Variants in FAM135B observed in about 807,000 individuals in gnomAD.
The protein encoded by FAM135B is family with sequence similarity 135 member B.
In FAM135B, 43 loss-of-function variants were observed where a neutral mutation model predicts 127.7. The ratio of observed to expected loss-of-function variants is 0.34; its 90% confidence interval spans 0.26 to 0.43. The LOEUF is 0.43. FAM135B is among the 20% of genes least tolerant of loss of function. FAM135B has a pLI of 1.00. For missense variants in FAM135B, 1,558 were observed against 1,725.6 expected (o/e 0.90, Z 1.72); for synonymous variants, 670 against 665.1 (o/e 1.01, Z -0.11).
intron 1 of FAM135B, among the ~76,000 whole-genome samples, chr8:138,409,425 A>G (rs1402771038): frequency 1.3e-5 from 2 of 152,202 alleles, no homozygotes; most frequent in Non-Finnish European, 2.9e-5. Flanking sequence ...AATAATGAAA[A>G]GGTATGAAAA....
At position 138,294,209 on chromosome 8, in the gene FAM135B, C is replaced by T. The variant is rs1181884393; in HGVS notation, c.157+16632G>A. On this transcript the variant is annotated intron_variant, in intron 3 of 19. Transcript: ENST00000395297. Reference sequence around the variant, plus strand: ...TAGACTGTGGGTATGGAAAGGTATGCAGTGTGGTATAATGGACTTTGGAGA... The same window carrying T: ...TAGACTGTGGGTATGGAAAGGTATGTAGTGTGGTATAATGGACTTTGGAGA... Among the ~76,000 whole-genome samples the T allele has an allele frequency of 3.3e-5, 5 of 151,950 alleles. No individual in the cohort carries two copies. In the South Asian group the frequency reaches 1.0e-3, roughly 31 times the overall value.
intron 1 of FAM135B, among the ~76,000 whole-genome samples, chr8:138,394,267 T>A (rs1446353019): frequency 1.3e-5 from 2 of 152,140 alleles, no homozygotes; most frequent in Non-Finnish European, 2.9e-5. Flanking sequence ...GGCCACCAGC[T>A]CCTGAGCTGA....
chr8:138,474,972 C>T (rs918957559), intron 1 of FAM135B, among the ~76,000 whole-genome samples: 2 of 152,214 alleles, frequency 1.3e-5, no homozygotes, highest in Admixed American at 1.3e-4. Context: ...GGATGCTTTT[C>T]CAGACCTGTC....
chr8:138,452,499 T>G (rs887137252), intron 1 of FAM135B, among the ~76,000 whole-genome samples: 1 of 152,098 alleles, frequency 6.6e-6, no homozygotes, highest in African/African-American at 2.4e-5. Context: ...AAAATAAAAG[T>G]GTCCACACCA....
At chr8:138,346,524 G>T (rs1197092607) in intron 2 of FAM135B, among the ~76,000 whole-genome samples, 1 of 152,200 alleles carries the variant, frequency 6.6e-6, no homozygotes, top group Non-Finnish European at 1.5e-5. Context: ...GCAGGGACGT[G>T]GATGGAGCTG....
chr8:138,172,140 T>C (rs554836601), intron 11 of FAM135B, among the ~76,000 whole-genome samples: 4 of 152,218 alleles, frequency 2.6e-5, no homozygotes, highest in African/African-American at 9.6e-5. Context: ...AACAACTTTC[T>C]CTCTGAATTA....
chr8:138,243,962 T>C lies in FAM135B; in HGVS notation c.543-894A>G, dbSNP rs1314814689. Reference sequence around the variant, plus strand: ...CTGATGGCAAAGAGGGTCTTGACAATAAATAGCCCCAGGTGACATCATCTT... The same window carrying C: ...CTGATGGCAAAGAGGGTCTTGACAACAAATAGCCCCAGGTGACATCATCTT... On this transcript the variant is annotated intron_variant, in intron 6 of 19. Coordinates refer to ENST00000395297, the MANE Select transcript of FAM135B (RefSeq NM_015912.4). The surrounding 1 kb of genome is among the most constrained non-coding windows in gnomAD (Gnocchi z 7.5). 6.6e-6 allele frequency among the ~76,000 whole-genome samples: 1 copy of C among 152,140 alleles called. No individual in the cohort carries two copies. Among genetic ancestry groups the C allele is most frequent in the Non-Finnish European group, 1.5e-5 (1 of 68,014 alleles).
chr8:138,161,845 T>C (rs771070379), intron 12 of FAM135B, among the ~76,000 whole-genome samples: 7 of 152,218 alleles, frequency 4.6e-5, no homozygotes, highest in Non-Finnish European at 8.8e-5. Flanking sequence ...GTGTGATATA[T>C]CCTATTGCCA....
At chr8:138,305,108 G>T (rs1009134990) in intron 3 of FAM135B, among the ~76,000 whole-genome samples, 2 of 152,156 alleles carry the variant, frequency 1.3e-5, no homozygotes, top group Non-Finnish European at 2.9e-5. Context: ...AAATTAGATT[G>T]ATTCATTTGA....
At chr8:138,164,342 C>T (rs952199766) in intron 12 of FAM135B, among the ~76,000 whole-genome samples, 1 of 152,146 alleles carries the variant, frequency 6.6e-6, no homozygotes, top group African/African-American at 2.4e-5. Context: ...AGAGTGACTG[C>T]CTTTGTTCTT....
chr8:138,165,396 A>G (rs1397877555), intron 12 of FAM135B, among the ~76,000 whole-genome samples: 1 of 152,118 alleles, frequency 6.6e-6, no homozygotes, highest in African/African-American at 2.4e-5. Context: ...CAGAGATTAC[A>G]GGTGTGAGCC....
chr8:138,226,929 T>G, intron 7 of FAM135B, among the ~76,000 whole-genome samples: 1 of 152,148 alleles, frequency 6.6e-6, no homozygotes, highest in East Asian at 1.9e-4. Flanking sequence ...ACTCCTGACC[T>G]CAAATGATCT....
rs139907793 is a variant in FAM135B at position 138,236,624 on chromosome 8, C to T, written c.669+6318G>A. ...AGTGACATACTTAAACTCTCCCAGT[C>T]TCAATGTCTTCATTTGTAAAAGGAA... On this transcript the variant is annotated intron_variant, in intron 7 of 19. Transcript: ENST00000395297. 2.2e-3 allele frequency among the ~76,000 whole-genome samples: 337 copies of T among 152,306 alleles called. 1 individual carries two copies. The highest frequency in any genetic ancestry group is 7.0e-3 in the African/African-American group (290 of 41,568).
chr8:138,285,733 T>C (rs997976062), intron 3 of FAM135B, among the ~76,000 whole-genome samples: 1 of 152,216 alleles, frequency 6.6e-6, no homozygotes, highest in Admixed American at 6.5e-5. Context: ...GTCATGACTT[T>C]TATTGTGTCT....
Position 138,271,698 on chromosome 8 carries a change from C to T in FAM135B, c.158-5856G>A, listed in dbSNP as rs191971481. ...GGCTAATTTAAAATTCTGATTGAGGCGGCAAATTATGTAAAACAAACTGAG... is the reference window on the plus strand; with the variant it reads ...GGCTAATTTAAAATTCTGATTGAGGTGGCAAATTATGTAAAACAAACTGAG... On this transcript the variant is annotated intron_variant, in intron 3 of 19. Transcript: ENST00000395297. 6.8e-4 allele frequency among the ~76,000 whole-genome samples: 103 copies of T among 152,172 alleles called. No individual in the cohort carries two copies. The East Asian group carries it at 7.4e-3, about 11-fold the overall frequency.
Position 138,130,461 on chromosome 8 carries a change from C to T in FAM135B, c.*2132G>A, listed in dbSNP as rs1214583972. The stretch of plus-strand genomic sequence containing the variant: ...GCCATTAGTTCTCACTATGTCCAGA[C>T]AGCATATTGAAGTTAAAAATGGCAT... On this transcript the variant is annotated 3_prime_UTR_variant, in exon 20 of 20. Transcript: ENST00000395297. 1 of 152,066 alleles carries T rather than the reference C, an allele frequency of 6.6e-6. No individual in the cohort carries two copies. The highest frequency in any genetic ancestry group is 1.5e-5 in the Non-Finnish European group (1 of 68,020). 9.4% of individuals were successfully genotyped at this position (152,066 alleles called of 1,614,324 possible). A position where few individuals can be genotyped will look rare whatever the true frequency, so the allele number is the denominator to read the frequency against.
intron 7 of FAM135B, among the ~76,000 whole-genome samples, chr8:138,230,321 G>T (rs1355326970): frequency 6.6e-6 from 1 of 152,170 alleles, no homozygotes; most frequent in Admixed American, 6.5e-5. Flanking sequence ...CTGAGTGATG[G>T]GTGCTGGGTT....
chr8:138,161,950 T>G (rs1819442709), intron 12 of FAM135B, among the ~76,000 whole-genome samples: 1 of 134,832 alleles, frequency 7.4e-6, no homozygotes, highest in Non-Finnish European at 1.6e-5. Context: ...TCATGGCTAG[T>G]ACATAGGTGA....
intron 1 of FAM135B, among the ~76,000 whole-genome samples, chr8:138,485,077 A>G (rs1050612648): frequency 2.6e-5 from 4 of 152,236 alleles, no homozygotes; most frequent in African/African-American, 9.6e-5. Flanking sequence ...TTTCCAGATA[A>G]CTAATATCAA....
Sources: allele counts gnomAD v4.1 joint callset (sites outside exome capture counted in the v4.1 genomes callset), GRCh38; gene constraint gnomAD v4.1.1; non-coding constraint Gnocchi (gnomAD v3.1); transcripts MANE v1.5; gene names NCBI Gene and HGNC (gene_info 2026-07-23, HGNC 2026-07-21).